ODAD1: variants seen among roughly 807,000 people sequenced by gnomAD.
ODAD1 encodes the protein outer dynein arm docking complex subunit 1.
A neutral mutation model predicts 67.2 loss-of-function variants in ODAD1; 49 were observed. The ratio of observed to expected loss-of-function variants is 0.73; its 90% confidence interval spans 0.58 to 0.92. The LOEUF is 0.92. Ranked by LOEUF, ODAD1 falls within the 40% of genes least tolerant of loss-of-function variation. ODAD1 has a pLI of 0.00. For synonymous variants in ODAD1, 345 were observed against 393.7 expected (o/e 0.88, Z 1.46); for missense variants, 897 against 953.7 (o/e 0.94, Z 0.78).
At chr19:48,304,236 G>T in intron 8 of ODAD1, 96 bp from the exon 9 acceptor site, 1 of 1,256,588 alleles carries the variant, frequency 8.0e-7, no homozygotes, top group Non-Finnish European at 1.1e-6. Flanking sequence ...GTTGTGGGGG[G>T]TGAGGTGGAG....
Position 48,296,983 on chromosome 19 carries a change from CG to C in ODAD1, c.2116del (p.Arg706GlyfsTer78). ...GGCTGCGTGCCCCTCGTGTTAGCCCCGGGAGTCTTTGCTGGTGGAGGAGCCC... is the reference window on the plus strand; with the variant it reads ...GGCTGCGTGCCCCTCGTGTTAGCCCCGGAGTCTTTGCTGGTGGAGGAGCCC... ...GPGSSTSKDS[R>X]G On this transcript the variant is annotated frameshift_variant, in exon 16 of 16. Coordinates refer to ENST00000674294, the MANE Select transcript of ODAD1 (RefSeq NM_001364171.2). LOFTEE classifies it high-confidence loss of function. 6.2e-7 allele frequency: 1 copy of C among 1,600,302 alleles called. No individual in the cohort carries two copies.
intron 8 of ODAD1, among the ~76,000 whole-genome samples, chr19:48,304,691 T>C (rs1456302253): frequency 1.3e-5 from 2 of 151,720 alleles, no homozygotes; most frequent in African/African-American, 4.8e-5. Flanking sequence ...CACAAAACTC[T>C]CGGTGTGCTG....
chr19:48,310,955 G>A (rs1408424988), intron 7 of ODAD1, among the ~76,000 whole-genome samples: 1 of 151,576 alleles, frequency 6.6e-6, no homozygotes, highest in African/African-American at 2.4e-5. Context: ...GCTCACGCCT[G>A]TAATCCCAGC....
At chr19:48,304,438 G>A (rs1314215261) in intron 8 of ODAD1, among the ~76,000 whole-genome samples, 3 of 152,140 alleles carry the variant, frequency 2.0e-5, no homozygotes, top group Admixed American at 1.3e-4. Flanking sequence ...GGCCAACATG[G>A]TGAAACTCCA....
intron 12 of ODAD1, among the ~76,000 whole-genome samples, chr19:48,302,311 A>G (rs528238744): frequency 6.6e-6 from 1 of 151,550 alleles, no homozygotes; most frequent in South Asian, 2.1e-4. Flanking sequence ...GGACAGTTGA[A>G]GGGATAGACT....
chr19:48,311,422 C>A, intron 7 of ODAD1, 131 bp downstream of exon 7: 1 of 611,114 alleles, frequency 1.6e-6, no homozygotes, highest in Non-Finnish European at 2.9e-6. Context: ...GCCTTTTGGA[C>A]TAAAGCAAGC....
chr19:48,303,175 T>A lies in ODAD1; in HGVS notation c.989-80A>T, dbSNP rs938247858. 5.6e-6 allele frequency: 6 copies of A among 1,077,416 alleles called. No individual in the cohort carries two copies. In the East Asian group the frequency reaches 1.4e-4, roughly 25 times the overall value. 66.7% of individuals were successfully genotyped at this position (1,077,416 alleles called of 1,614,324 possible). Reference sequence around the variant, plus strand: ...CAGAGAGAACAGAGACAGAGAGGCATACAGAAGGCCAAAGAAAGTGAAGAT... The same window carrying A: ...CAGAGAGAACAGAGACAGAGAGGCAAACAGAAGGCCAAAGAAAGTGAAGAT... On this transcript the variant is annotated intron_variant, in intron 10 of 15. Coordinates refer to ENST00000674294, the MANE Select transcript of ODAD1 (RefSeq NM_001364171.2).
At position 48,306,255 on chromosome 19, in the gene ODAD1, C is replaced by T. The variant is rs1170106817; in HGVS notation, c.665+1G>A. Reference sequence around the variant, plus strand: ...CATCCCAGGATACCCGCAGTCTCTACCTGACGGCGTAGGCAGAGGTGGAGG... The same window carrying T: ...CATCCCAGGATACCCGCAGTCTCTATCTGACGGCGTAGGCAGAGGTGGAGG... On this transcript the variant is annotated splice_donor_variant, in intron 8 of 15. Coordinates refer to ENST00000674294, the MANE Select transcript of ODAD1 (RefSeq NM_001364171.2). LOFTEE classifies it high-confidence loss of function. 2.6e-6 allele frequency: 4 copies of T among 1,551,502 alleles called. No homozygotes were observed. The highest frequency in any genetic ancestry group is 3.5e-6 in the Non-Finnish European group (4 of 1,146,958).
Position 48,303,984 on chromosome 19 carries a change from A to G in ODAD1, c.822T>C (p.Asp274=), listed in dbSNP as rs767173437. The change falls in exon 9 of 16, where the codon GAT becomes GAC. Residue 274 remains aspartate, a synonymous_variant. Coordinates refer to ENST00000674294, the MANE Select transcript of ODAD1 (RefSeq NM_001364171.2). ...LKLKNNDRQP[D]PDVLEKREKQ... Reference sequence around the variant, plus strand: ...TTTCACGCTTCTCCAGGACATCGGGATCCGGCTGCCGGTCGTTGTTCTTGA... The same window carrying G: ...TTTCACGCTTCTCCAGGACATCGGGGTCCGGCTGCCGGTCGTTGTTCTTGA... The G allele has an allele frequency of 1.1e-5, 17 of 1,614,044 alleles. No individual in the cohort carries two copies. Among genetic ancestry groups the G allele is most frequent in the East Asian group, 4.5e-5 (2 of 44,890 alleles).
At chr19:48,299,379 C>G (rs758684720) in intron 12 of ODAD1, among the ~76,000 whole-genome samples, 11 of 152,102 alleles carry the variant, frequency 7.2e-5, no homozygotes, top group South Asian at 4.1e-4. Context: ...CCACTGCTCT[C>G]CAGCCTGGCT....
chr19:48,307,740 G>A (rs1429646180), intron 7 of ODAD1, among the ~76,000 whole-genome samples: 1 of 151,934 alleles, frequency 6.6e-6, no homozygotes, highest in East Asian at 1.9e-4. Flanking sequence ...GCGTGAACCT[G>A]GGAGGCGGAG....
Position 48,318,793 on chromosome 19 carries a change from C to G in ODAD1, c.90G>C (p.Arg30Ser). ...LEGMVDWELSRLQRQCKVMEG... is the reference protein window; with the variant it reads ...LEGMVDWELSSLQRQCKVMEG... ...CCATCACTTTGCATTGTCGCTGCAG[C>G]CTACTCAGCTCCCAATCCACTGAGA... The change falls in exon 4 of 16, where the codon AGG (arginine) becomes AGC (serine). Residue 30 changes from arginine to serine, a missense_variant. Transcript: ENST00000674294. The G allele has an allele frequency of 6.5e-7, 1 of 1,550,358 alleles. No individual in the cohort carries two copies. Among genetic ancestry groups the G allele is most frequent in the Non-Finnish European group, 8.7e-7 (1 of 1,146,064 alleles).
At position 48,297,219 on chromosome 19, in the gene ODAD1, G is replaced by A; in HGVS notation, c.1881C>T (p.Ser627=). 1 of 1,614,154 alleles carries A rather than the reference G, an allele frequency of 6.2e-7. No individual in the cohort carries two copies. Among genetic ancestry groups the A allele is most frequent in the Non-Finnish European group, 8.5e-7 (1 of 1,180,022 alleles). ...DPNTGHVTFG[S]TSASSGGHVT... ...CGTGGCCCCCACTCGAGGCACTGGT[G>A]GAGCCGAAGGTCACGTGGCCAGTGT... The change falls in exon 16 of 16, where the codon TCC becomes TCT. Residue 627 remains serine (S), a synonymous_variant. Transcript: ENST00000674294.
rs1293416018 is a variant in ODAD1, at chr19:48,317,128, AC to A, written c.360+1258del. On this transcript the variant is annotated intron_variant, in intron 5 of 15. Coordinates refer to ENST00000674294, the MANE Select transcript of ODAD1 (RefSeq NM_001364171.2). The stretch of plus-strand genomic sequence containing the variant: ...CTGCCCCCTCAGCCTCAAGACACGC[AC>A]CACTGTGCCCAACTGACAAATTGGT... 9.2e-5 allele frequency among the ~76,000 whole-genome samples: 14 copies of A among 152,154 alleles called. No homozygotes were observed. The East Asian group carries it at 2.5e-3, about 27-fold the overall frequency.
chr19:48,297,065 G>A lies in ODAD1; in HGVS notation c.2035C>T (p.Leu679Phe). 2 of 1,613,096 alleles carry A rather than the reference G, an allele frequency of 1.2e-6. No individual in the cohort carries two copies. Among genetic ancestry groups the A allele is most frequent in the Non-Finnish European group, 1.7e-6 (2 of 1,179,620 alleles). ...GAGACGTGGTCTCTGCTGGACCCGA[G>A]GCCTCCGCTCGAATCAGACGCTGTG... ...GGTASDSSGGLGSSRDHVSST... is the reference protein window; with the variant it reads ...GGTASDSSGGFGSSRDHVSST... Residue 679 changes from leucine to phenylalanine, a missense_variant, in exon 16 of 16, where the codon CTC (leucine) becomes TTC (phenylalanine). Leu to Phe is a conservative substitution (Grantham distance 22). Coordinates refer to ENST00000674294, the MANE Select transcript of ODAD1 (RefSeq NM_001364171.2).
At chr19:48,306,412 G>A in intron 7 of ODAD1, 89 bp from the exon 8 acceptor site, 1 of 1,123,326 alleles carries the variant, frequency 8.9e-7, no homozygotes. Flanking sequence ...TCTCCAATAA[G>A]GAGTAAAGCT....
intron 5 of ODAD1, among the ~76,000 whole-genome samples, chr19:48,313,507 T>C (rs199844393): frequency 1.3e-5 from 2 of 151,728 alleles, no homozygotes; most frequent in South Asian, 4.1e-4. Flanking sequence ...GTGACCTTAT[T>C]TGGAGACAGA....
intron 8 of ODAD1, 122 bp from the exon 9 acceptor site, chr19:48,304,262 G>T: frequency 1.0e-6 from 1 of 974,598 alleles, no homozygotes; most frequent in Non-Finnish European, 1.5e-6. Context: ...TGGTGTCCCA[G>T]ATGGGCAGGG....
At chr19:48,301,532 T>G (rs993456802) in intron 12 of ODAD1, among the ~76,000 whole-genome samples, 16 of 152,210 alleles carry the variant, frequency 1.1e-4, no homozygotes, top group Non-Finnish European at 1.6e-4. Flanking sequence ...TAATAACATT[T>G]TTGGTAACTA....
Sources: gnomAD v4.1 joint callset for allele counts (sites outside exome capture counted in the v4.1 genomes callset) on GRCh38, gnomAD v4.1.1 for gene constraint, MANE v1.5 for transcripts, NCBI Gene and HGNC (gene_info 2026-07-23, HGNC 2026-07-21) for gene names.